CEP85L: variants seen among roughly 807,000 people sequenced by gnomAD.
The protein encoded by CEP85L is centrosomal protein of 85 kDa-like.
Under a neutral mutation model 100.3 loss-of-function variants are expected in CEP85L, and 60 were observed. The observed-to-expected ratio is 0.60, with a 90% confidence interval of 0.49 to 0.74. The LOEUF is 0.74. Among genes scored for constraint, CEP85L ranks in the 30% least tolerant of loss-of-function variants. The pLI is 0.00. For synonymous variants in CEP85L, 319 were observed against 322.7 expected, an observed-to-expected ratio of 0.99 and a Z score of 0.12; for missense variants, 973 against 936.2, an observed-to-expected ratio of 1.04 and a Z score of -0.51.
chr6:118,698,318 T>C (rs929504926), intron 1 of CEP85L, among the ~76,000 whole-genome samples: 6 of 152,328 alleles, frequency 3.9e-5, no homozygotes, highest in Non-Finnish European at 7.3e-5. Flanking sequence ...CTTTCTGGCA[T>C]GCATGGTCTT....
chr6:118,604,744 C>A (rs891888393), intron 2 of CEP85L, among the ~76,000 whole-genome samples: 6 of 151,970 alleles, frequency 3.9e-5, no homozygotes, highest in African/African-American at 1.5e-4. Flanking sequence ...AATGGCTTTA[C>A]GGTAGGCAAA....
rs59278037 is a variant in CEP85L at position 118,600,300 on chromosome 6, G to GGTGTGTGTGTGTGTGT, written c.232+32137_232+32152dup. ...CTGCCTGTCCCTGAGCCTTCCTGGGGGTGTGTGTGTGTGTGTGTGTGTGTG... is the reference window on the plus strand; with the variant it reads ...CTGCCTGTCCCTGAGCCTTCCTGGGGGTGTGTGTGTGTGTGTGTGTGTGTGTGTGTGTGTGTGTGTG... On this transcript the variant is annotated intron_variant, in intron 2 of 12. Coordinates refer to ENST00000368491, the MANE Select transcript of CEP85L (RefSeq NM_001042475.3). Among the ~76,000 whole-genome samples, 32 of 52,240 alleles carry GGTGTGTGTGTGTGTGT rather than the reference G, an allele frequency of 6.1e-4. 1 individual carries two copies. The highest frequency in any genetic ancestry group is 4.2e-3 in the East Asian group (7 of 1,682). The allele number at this position is 52,240 out of a possible 152,430, so 34.3% of individuals were successfully genotyped here. A position where few individuals can be genotyped will look rare whatever the true frequency, so the allele number is the denominator to read the frequency against.
intron 6 of CEP85L, among the ~76,000 whole-genome samples, chr6:118,488,671 G>A (rs1375274246): frequency 1.3e-5 from 2 of 152,048 alleles, no homozygotes; most frequent in Non-Finnish European, 2.9e-5. Context: ...GGAGGGAGAG[G>A]CAGGAGGCAT....
chr6:118,498,318 A>AC (rs555839091), intron 5 of CEP85L, among the ~76,000 whole-genome samples: 220 of 152,226 alleles, frequency 1.4e-3, no homozygotes, highest in African/African-American at 4.1e-3. Context: ...ACATAGTGAG[A>AC]CCCCCATATC....
chr6:118,612,651 ACT>A (rs150362901), intron 2 of CEP85L, among the ~76,000 whole-genome samples: 3,117 of 101,736 alleles, frequency 0.031, 67 homozygotes, highest in Middle Eastern at 0.1. Flanking sequence ...ACAGAGTGAG[ACT>A]CTGTCTCAAA....
intron 2 of CEP85L, among the ~76,000 whole-genome samples, chr6:118,578,686 G>A (rs549003468): frequency 4.3e-4 from 66 of 152,156 alleles, no homozygotes; most frequent in Non-Finnish European, 7.9e-4. Context: ...CCGAGACCGC[G>A]CCACTGCACT....
intron 2 of CEP85L, among the ~76,000 whole-genome samples, chr6:118,568,290 T>C (rs1399942380): frequency 6.6e-6 from 1 of 152,218 alleles, no homozygotes; most frequent in African/African-American, 2.4e-5. Context: ...ACTTGGAAGC[T>C]TATCCTTAAG....
At chr6:118,696,787 G>A (rs1562364295) in intron 1 of CEP85L, among the ~76,000 whole-genome samples, 1 of 152,114 alleles carries the variant, frequency 6.6e-6, no homozygotes, top group Non-Finnish European at 1.5e-5. Context: ...TACTTCACAT[G>A]TTAAAACGTT....
At chr6:118,692,742 G>C (rs1777085178) in intron 1 of CEP85L, among the ~76,000 whole-genome samples, 1 of 62,766 alleles carries the variant, frequency 1.6e-5, no homozygotes, top group Non-Finnish European at 4.0e-5. Context: ...CAGTGAGCTA[G>C]TTAAGGGCAG....
intron 2 of CEP85L, among the ~76,000 whole-genome samples, chr6:118,615,758 CA>C (rs767463380): frequency 7.8e-4 from 119 of 152,230 alleles, no homozygotes; most frequent in Non-Finnish European, 1.1e-3. Context: ...ACCGACCTAC[CA>C]AAAAACCCTG....
At chr6:118,562,657 G>C (rs1371951226) in intron 3 of CEP85L, among the ~76,000 whole-genome samples, 2 of 152,002 alleles carry the variant, frequency 1.3e-5, no homozygotes, top group African/African-American at 2.4e-5. Context: ...TACCATGCTT[G>C]GTCCAAATTT....
intron 3 of CEP85L, among the ~76,000 whole-genome samples, chr6:118,557,393 C>G (rs963175413): frequency 2.0e-5 from 3 of 152,188 alleles, no homozygotes; most frequent in Admixed American, 6.5e-5. Flanking sequence ...CCAAAACAAG[C>G]TGTACCTTAA....
intron 10 of CEP85L, among the ~76,000 whole-genome samples, chr6:118,478,504 G>C (rs1261925229): frequency 6.6e-6 from 1 of 151,858 alleles, no homozygotes; most frequent in Admixed American, 6.6e-5. Flanking sequence ...AACCTTGATG[G>C]TCAGAATGGG....
At chr6:118,650,535 A>C (rs947405269) in intron 1 of CEP85L, among the ~76,000 whole-genome samples, 2 of 152,208 alleles carry the variant, frequency 1.3e-5, no homozygotes, top group African/African-American at 4.8e-5. Context: ...CGGTTGCTCA[A>C]TGGTCCATTG....
chr6:118,674,261 C>G (rs947584966), intron 1 of CEP85L, among the ~76,000 whole-genome samples: 3 of 152,176 alleles, frequency 2.0e-5, no homozygotes, highest in African/African-American at 7.2e-5. Flanking sequence ...CATGGTGGCT[C>G]ACGCCTGTAA....
intron 3 of CEP85L, among the ~76,000 whole-genome samples, chr6:118,553,215 TAAAAA>T (rs59502810): frequency 1.4e-5 from 2 of 138,934 alleles, no homozygotes; most frequent in East Asian, 2.1e-4. Context: ...GTTAAGAAAT[TAAAAA>T]AAAAAAAAAA....
Position 118,523,910 on chromosome 6 carries a change from C to G in CEP85L, c.1031G>C (p.Gly344Ala). Reference sequence around the variant, plus strand: ...AGGTGAATAACTTTGACGAGATGATCCAGTCAAAACCTGCAGAAACATGTT... The same window carrying G: ...AGGTGAATAACTTTGACGAGATGATGCAGTCAAAACCTGCAGAAACATGTT... Reference protein sequence around the residue: ...GSETPMQVLTGSSRQSYSPGY... With the variant: ...GSETPMQVLTASSRQSYSPGY... Residue 344 changes from glycine to alanine, a missense_variant, in exon 4 of 13, where the codon GGA becomes GCA. By Grantham distance (60) the Gly-to-Ala change is moderately conservative. Transcript: ENST00000368491. 1 of 1,539,672 alleles carries G rather than the reference C, an allele frequency of 6.5e-7. No individual in the cohort carries two copies. The highest frequency in any genetic ancestry group is 9.0e-7 in the Non-Finnish European group (1 of 1,117,164).
rs774214508 is a variant in CEP85L, at chr6:118,480,500, C to T, written c.1759G>A (p.Val587Ile). The T allele has an allele frequency of 1.2e-6, 2 of 1,603,376 alleles. No individual in the cohort carries two copies. The highest frequency in any genetic ancestry group is 8.5e-7 in the Non-Finnish European group (1 of 1,172,860). The change falls in exon 9 of 13, where the codon GTA (valine) becomes ATA (isoleucine). Residue 587 changes from valine to isoleucine, a missense_variant. Val to Ile is a conservative substitution (Grantham distance 29, BLOSUM62 3). This residue lies in a region of CEP85L where 890 missense variants were observed against 844.5 expected (regional missense o/e 1.05). Coordinates refer to ENST00000368491, the MANE Select transcript of CEP85L (RefSeq NM_001042475.3). ...VTTVQSLQQK[V>I]ERCLEDGIRL... ...ATTCCATCTTCAAGGCATCTTTCTACTTTTTGTTGCAAACTATTTCAAAAG... is the reference window on the plus strand; with the variant it reads ...ATTCCATCTTCAAGGCATCTTTCTATTTTTTGTTGCAAACTATTTCAAAAG...
chr6:118,561,495 G>A (rs1053233910), intron 3 of CEP85L, among the ~76,000 whole-genome samples: 2 of 151,906 alleles, frequency 1.3e-5, no homozygotes, highest in African/African-American at 2.4e-5. Flanking sequence ...ATCATAAAGT[G>A]TAAAGAATAA....
Sources: allele counts gnomAD v4.1 joint callset (sites outside exome capture counted in the v4.1 genomes callset), GRCh38; gene constraint gnomAD v4.1.1; regional missense constraint gnomAD v4.1.1; transcripts MANE v1.5; gene names NCBI Gene and HGNC (gene_info 2026-07-23, HGNC 2026-07-21).